Variants in TOX observed in about 807,000 individuals in gnomAD.
TOX encodes the protein thymocyte selection-associated high mobility group box protein TOX.
Under a neutral mutation model 53.7 loss-of-function variants are expected in TOX, and 11 were observed. That is an observed-to-expected ratio of 0.20 (90% CI 0.13 to 0.34). The LOEUF (loss-of-function observed/expected upper bound fraction) is 0.34, where lower values mean the gene tolerates loss of function less well. TOX is among the 10% of genes least tolerant of loss of function. The probability of loss-of-function intolerance (pLI) is 1.00; values close to 1 mark genes in which losing one functional copy is unlikely to be tolerated. For missense variants in TOX, 570 were observed against 664.6 expected, an observed-to-expected ratio of 0.86 and a Z score of 1.56; for synonymous variants, 225 against 245.3, an observed-to-expected ratio of 0.92 and a Z score of 0.77.
rs189831369 is a variant in TOX, at chr8:59,063,350, A to T, written c.102+55536T>A. On this transcript the variant is annotated intron_variant, in intron 1 of 8. Coordinates refer to ENST00000361421, the MANE Select transcript of TOX (RefSeq NM_014729.3). ...CTCACCTAATGATAAAATTTGCAAA[A>T]TTTTTTTTTTATTCCAAAAGACTGA... Among the ~76,000 whole-genome samples, 207 of 148,638 alleles carry T rather than the reference A, an allele frequency of 1.4e-3. 2 individuals carry two copies. The East Asian group carries it at 0.032, about 23-fold the overall frequency.
In TOX at chr8:58,839,687, G is replaced by A. The variant is rs921650963; in HGVS notation, c.694-1376C>T. On this transcript the variant is annotated intron_variant, in intron 4 of 8. Transcript: ENST00000361421. Reference sequence around the variant, plus strand: ...ATTTCCACATGCCTTGCCCCCTAACGAAGTGTCAATGCAGCTTCTGTACCC... The same window carrying A: ...ATTTCCACATGCCTTGCCCCCTAACAAAGTGTCAATGCAGCTTCTGTACCC... Among the ~76,000 whole-genome samples, 6 of 152,306 alleles carry A rather than the reference G, an allele frequency of 3.9e-5. No individual in the cohort carries two copies. In the East Asian group the frequency reaches 1.2e-3, roughly 29 times the overall value.
intron 1 of TOX, among the ~76,000 whole-genome samples, chr8:59,106,269 C>T (rs1414706719): frequency 6.6e-6 from 1 of 150,964 alleles, no homozygotes; most frequent in Non-Finnish European, 1.5e-5. Flanking sequence ...AATTTTTCCA[C>T]TGGCTTACAT....
intron 1 of TOX, among the ~76,000 whole-genome samples, chr8:59,073,187 C>T (rs1412615060): frequency 2.0e-5 from 3 of 152,124 alleles, no homozygotes; most frequent in East Asian, 1.9e-4. Flanking sequence ...ACTACTAACA[C>T]ACAATACTTA....
chr8:59,061,037 G>T (rs1803975621), intron 1 of TOX, among the ~76,000 whole-genome samples: 1 of 152,140 alleles, frequency 6.6e-6, no homozygotes, highest in African/African-American at 2.4e-5. Flanking sequence ...CCATAAAGCT[G>T]CATCTTTTAG....
At chr8:58,959,205 G>A (rs1290051614) in intron 2 of TOX, among the ~76,000 whole-genome samples, 1 of 152,012 alleles carries the variant, frequency 6.6e-6, no homozygotes, top group Non-Finnish European at 1.5e-5. Flanking sequence ...TATATTTTAC[G>A]TTATACTGGT....
At chr8:59,083,429 T>G (rs1804447622) in intron 1 of TOX, among the ~76,000 whole-genome samples, 1 of 152,178 alleles carries the variant, frequency 6.6e-6, no homozygotes, top group Non-Finnish European at 1.5e-5. Context: ...TATATTTGGT[T>G]ATTAGGTTTA....
chr8:58,844,266 A>G (rs1312217251), intron 4 of TOX, among the ~76,000 whole-genome samples: 1 of 152,200 alleles, frequency 6.6e-6, no homozygotes, highest in East Asian at 1.9e-4. Flanking sequence ...GGCTAGTACA[A>G]CTGAGCAATT....
At chr8:58,812,161 C>A (rs2129164011) in intron 7 of TOX, among the ~76,000 whole-genome samples, 1 of 152,298 alleles carries the variant, frequency 6.6e-6, no homozygotes, top group Non-Finnish European at 1.5e-5. Flanking sequence ...TGAAGACTAA[C>A]TGATGACTCG....
Position 58,838,210 on chromosome 8 carries a change from C to A in TOX, c.795G>T (p.Val265=). Reference sequence around the variant, plus strand: ...CACGAAAGAATAACGCATAGGCAGACACAGGCTTCTGGGGCTCATTGGGAT... The same window carrying A: ...CACGAAAGAATAACGCATAGGCAGAAACAGGCTTCTGGGGCTCATTGGGAT... The part of the protein sequence containing the change: ...KKDPNEPQKP[V]SAYALFFRDT... The change falls in exon 5 of 9, where the codon GTG becomes GTT. Residue 265 remains valine, a synonymous_variant. Coordinates refer to ENST00000361421, the MANE Select transcript of TOX (RefSeq NM_014729.3). The A allele has an allele frequency of 1.2e-6, 2 of 1,614,196 alleles. No individual in the cohort carries two copies. The highest frequency in any genetic ancestry group is 1.1e-5 in the South Asian group (1 of 91,088).
chr8:59,023,325 A>G (rs826419), intron 1 of TOX, among the ~76,000 whole-genome samples: 140,696 of 152,038 alleles, frequency 0.93, 65,169 homozygotes, highest in East Asian at 1. Context: ...TCACACTCTC[A>G]TGAGCTGTGA....
chr8:59,043,165 T>C (rs1195107560), intron 1 of TOX, among the ~76,000 whole-genome samples: 2 of 151,508 alleles, frequency 1.3e-5, no homozygotes, highest in Non-Finnish European at 2.9e-5. Context: ...CATATTTATC[T>C]CAAAACTCTT....
chr8:58,825,993 T>G (rs1354148189), intron 6 of TOX, among the ~76,000 whole-genome samples: 4 of 152,232 alleles, frequency 2.6e-5, no homozygotes, highest in Admixed American at 2.6e-4. Flanking sequence ...TTCTTATGCA[T>G]TTGTACTTTG....
chr8:58,832,615 A>C (rs1053637610), intron 5 of TOX, among the ~76,000 whole-genome samples: 1 of 152,178 alleles, frequency 6.6e-6, no homozygotes, highest in African/African-American at 2.4e-5. Context: ...CTGCCTCATA[A>C]GTATAATTCT....
intron 1 of TOX, among the ~76,000 whole-genome samples, chr8:59,091,847 C>A (rs998727803): frequency 6.6e-6 from 1 of 152,192 alleles, no homozygotes; most frequent in East Asian, 1.9e-4. Context: ...ATTCTCCAGT[C>A]ACCTTCATCT....
chr8:58,993,778 C>G (rs923121586), intron 1 of TOX, among the ~76,000 whole-genome samples: 4 of 152,086 alleles, frequency 2.6e-5, no homozygotes, highest in African/African-American at 9.7e-5. Flanking sequence ...TTAGTTTTAT[C>G]CTTTTATATG....
chr8:59,079,985 CTTTTT>C (rs140553464), intron 1 of TOX, among the ~76,000 whole-genome samples: 1 of 140,872 alleles, frequency 7.1e-6, no homozygotes. Flanking sequence ...GTTTTCTTTT[CTTTTT>C]TTTTTTTTTT....
At chr8:59,097,552 T>C (rs1432302840) in intron 1 of TOX, among the ~76,000 whole-genome samples, 2 of 152,198 alleles carry the variant, frequency 1.3e-5, no homozygotes, top group African/African-American at 4.8e-5. Context: ...AAGTTTCCCA[T>C]GATGCCTCTA....
chr8:58,995,214 T>G (rs1188606478), intron 1 of TOX, among the ~76,000 whole-genome samples: 1 of 152,230 alleles, frequency 6.6e-6, no homozygotes, highest in Non-Finnish European at 1.5e-5. Flanking sequence ...AGTATAGCAT[T>G]TATTACAAAT....
At chr8:59,010,852 G>A (rs1813891907) in intron 1 of TOX, among the ~76,000 whole-genome samples, 1 of 152,180 alleles carries the variant, frequency 6.6e-6, no homozygotes, top group Admixed American at 6.5e-5. Context: ...TTTTGACAAA[G>A]CATCATTATG....
Sources: allele counts gnomAD v4.1 joint callset (sites outside exome capture counted in the v4.1 genomes callset), GRCh38; gene constraint gnomAD v4.1.1; transcripts MANE v1.5; gene names NCBI Gene and HGNC (gene_info 2026-07-23, HGNC 2026-07-21).